EPHB2: variants seen among roughly 807,000 people sequenced by gnomAD.
The protein encoded by EPHB2 is EPH receptor B2, also known as ephrin type-B receptor 2.
A neutral mutation model predicts 96.4 loss-of-function variants in EPHB2; 18 were observed. The ratio of observed to expected loss-of-function variants is 0.19; its 90% CI spans 0.13 to 0.28. The LOEUF is 0.28. Among genes scored for constraint, EPHB2 ranks in the 10% least tolerant of loss-of-function variants. The pLI is 1.00. For missense variants in EPHB2, 989 were observed against 1,355.4 expected, an observed-to-expected ratio of 0.73 and a Z score of 4.25; for synonymous variants, 506 against 534.1, an observed-to-expected ratio of 0.95 and a Z score of 0.72.
At chr1:22,713,448 C>T (rs959483158) in intron 1 of EPHB2, among the ~76,000 whole-genome samples, 5 of 152,140 alleles carry the variant, frequency 3.3e-5, no homozygotes, top group South Asian at 2.1e-4. Flanking sequence ...TTTCCTCCCC[C>T]GTCTAGTGAG....
intron 3 of EPHB2, among the ~76,000 whole-genome samples, chr1:22,801,760 GCCCCTCGTGGGGTCCCCTCCCGC>G (rs1644846367): frequency 6.6e-6 from 1 of 152,214 alleles, no homozygotes; most frequent in African/African-American, 2.4e-5. Context: ...CAGATGGGCA[GCCCCTCGTGGGGTCCCCTCCCGC>G]CCCCTCGTGC....
chr1:22,893,907 G>C (rs1639470852), intron 7 of EPHB2, among the ~76,000 whole-genome samples: 1 of 152,220 alleles, frequency 6.6e-6, no homozygotes, highest in African/African-American at 2.4e-5. Context: ...ACTCCAGGGT[G>C]ACTCTGTCTG....
chr1:22,810,795 T>C (rs946283629), intron 3 of EPHB2, among the ~76,000 whole-genome samples: 1 of 152,132 alleles, frequency 6.6e-6, no homozygotes, highest in Non-Finnish European at 1.5e-5. Context: ...TCCCCTGAAA[T>C]GTCACCTGGT....
chr1:22,759,136 C>T (rs1003869953), intron 1 of EPHB2, among the ~76,000 whole-genome samples: 13 of 152,242 alleles, frequency 8.5e-5, no homozygotes, highest in South Asian at 2.1e-4. Flanking sequence ...TCCTTCCTCT[C>T]GGAACATTTT....
chr1:22,735,517 C>T lies in EPHB2; in HGVS notation c.61+24474C>T, dbSNP rs571788317. 2.0e-5 allele frequency among the ~76,000 whole-genome samples: 3 copies of T among 152,150 alleles called. No homozygotes were observed. The East Asian group carries it at 5.8e-4, about 29-fold the overall frequency. ...GGAAGTTTACAGTCCATACTTTCTG[C>T]CTTTGGAAAAGACTGCTGGCTTACC... On this transcript the variant is annotated intron_variant, in intron 1 of 15. Transcript: ENST00000374630.
Position 22,863,188 on chromosome 1 carries a change from C to T in EPHB2, c.963C>T (p.Cys321=). The T allele has an allele frequency of 6.2e-7, 1 of 1,614,188 alleles. No individual in the cohort carries two copies. Among genetic ancestry groups the T allele is most frequent in the Non-Finnish European group, 8.5e-7 (1 of 1,180,034 alleles). Reference sequence around the variant, plus strand: ...ACCTGGACCCCCTGGACATGCCCTGCACAAGTAAGTCCTAGGGCCCCTCAA... The same window carrying T: ...ACCTGGACCCCCTGGACATGCCCTGTACAAGTAAGTCCTAGGGCCCCTCAA... ...RADLDPLDMP[C]TTIPSAPQAV... Residue 321 remains cysteine (C), a synonymous_variant, in exon 4 of 16, where the codon TGC becomes TGT. Coordinates refer to ENST00000374630, the MANE Select transcript of EPHB2 (RefSeq NM_017449.5).
At chr1:22,712,837 G>C (rs937101228) in intron 1 of EPHB2, among the ~76,000 whole-genome samples, 2 of 152,222 alleles carry the variant, frequency 1.3e-5, no homozygotes, top group African/African-American at 4.8e-5. Flanking sequence ...TATACATTGG[G>C]ATGTTTACAG....
chr1:22,876,685 A>G (rs1638847718), intron 5 of EPHB2, among the ~76,000 whole-genome samples: 2 of 152,188 alleles, frequency 1.3e-5, no homozygotes, highest in South Asian at 2.1e-4. Flanking sequence ...GAATTCCCTG[A>G]TGACCAACTT....
chr1:22,829,166 C>A (rs1460768380), intron 3 of EPHB2, among the ~76,000 whole-genome samples: 1 of 152,238 alleles, frequency 6.6e-6, no homozygotes, highest in East Asian at 1.9e-4. Context: ...CTCCTCAGAG[C>A]GCTGGTGAAG....
intron 3 of EPHB2, among the ~76,000 whole-genome samples, chr1:22,807,533 C>CT (rs1183675270): frequency 6.6e-6 from 1 of 152,196 alleles, no homozygotes; most frequent in African/African-American, 2.4e-5. Context: ...AAAAGGTCAG[C>CT]TGGTCCAGCT....
chr1:22,801,339 C>G lies in EPHB2; in HGVS notation c.811+16263C>G, dbSNP rs12081762. Among the ~76,000 whole-genome samples, 476 of 152,272 alleles carry G rather than the reference C, an allele frequency of 3.1e-3. 3 individuals carry two copies. Among genetic ancestry groups the G allele is most frequent in the African/African-American group, 0.011 (446 of 41,558 alleles). ...AGGGACACCCATGAATGCCCCCCTT[C>G]CTGTGGGCCCTCTGCTCCAAGCATT... On this transcript the variant is annotated intron_variant, in intron 3 of 15. Coordinates refer to ENST00000374630, the MANE Select transcript of EPHB2 (RefSeq NM_017449.5).
chr1:22,820,388 CG>C (rs1303280597), intron 3 of EPHB2, among the ~76,000 whole-genome samples: 1 of 152,150 alleles, frequency 6.6e-6, no homozygotes, highest in East Asian at 2.0e-4. Flanking sequence ...TTGCTGAGCG[CG>C]GTGGCTCACG....
intron 5 of EPHB2, among the ~76,000 whole-genome samples, chr1:22,879,669 A>G (rs541893949): frequency 3.0e-4 from 45 of 152,292 alleles, no homozygotes; most frequent in African/African-American, 1.0e-3. Flanking sequence ...CAAAGTGCAG[A>G]TATTGACCCT....
intron 5 of EPHB2, among the ~76,000 whole-genome samples, chr1:22,880,586 C>T (rs1046255888): frequency 1.3e-5 from 2 of 152,258 alleles, no homozygotes; most frequent in Non-Finnish European, 2.9e-5. Context: ...CATTGAGAGT[C>T]CCTCTCTGGC....
chr1:22,913,970 A>G lies in EPHB2; in HGVS notation c.*400A>G, dbSNP rs79966863. The G allele has an allele frequency of 2.6e-3, 3,691 of 1,423,802 alleles. 80 individuals carry two copies. The African/African-American group carries it at 0.049, about 19-fold the overall frequency. The allele number at this position is 1,423,802 out of a possible 1,614,324, so 88.2% of individuals were successfully genotyped here. ...GGTGACCTGGCCAGAGCCAAGAAAC[A>G]CTTTCAGAAAAACAAATGTGAAGGG... On this transcript the variant is annotated 3_prime_UTR_variant, in exon 16 of 16. Transcript: ENST00000374630. This position sits in a 1 kb window ranked among gnomAD's most constrained non-coding sequence, Gnocchi z 4.1.
intron 1 of EPHB2, 137 bp downstream of exon 1, chr1:22,711,180 G>A (rs1366556281): frequency 6.8e-6 from 1 of 146,456 alleles, no homozygotes; most frequent in Non-Finnish European, 1.5e-5. Flanking sequence ...CCGCGGGGAG[G>A]TGTGTCCGGC....
chr1:22,765,587 C>T (rs568070288), intron 1 of EPHB2, among the ~76,000 whole-genome samples: 8 of 150,862 alleles, frequency 5.3e-5, no homozygotes, highest in East Asian at 2.0e-4. Context: ...CCGTGAGCAC[C>T]GGCATTCTCC....
chr1:22,821,548 T>G (rs2148474787), intron 3 of EPHB2, among the ~76,000 whole-genome samples: 1 of 152,368 alleles, frequency 6.6e-6, no homozygotes, highest in Middle Eastern at 3.4e-3. Flanking sequence ...AGAATCATGT[T>G]CGGAAGCCTG....
rs1413919588 is a variant in EPHB2 at position 22,875,578 on chromosome 1, ATCTG to A, written c.1304-6776_1304-6773del. ...CCTGAGGGCGCCAGAAAAGGGGAGAATCTGTCTGGTCCCCGCTTTTCCCTTTCTC... is the reference window on the plus strand; with the variant it reads ...CCTGAGGGCGCCAGAAAAGGGGAGAATCTGGTCCCCGCTTTTCCCTTTCTC... On this transcript the variant is annotated intron_variant, in intron 5 of 15. Transcript: ENST00000374630. This position sits in a 1 kb window ranked among gnomAD's most constrained non-coding sequence, Gnocchi z 4.2. Among the ~76,000 whole-genome samples the A allele has an allele frequency of 6.6e-6, 1 of 152,018 alleles. No individual in the cohort carries two copies. The highest frequency in any genetic ancestry group is 2.4e-5 in the African/African-American group (1 of 41,384).
Sources: gnomAD v4.1 joint callset for allele counts (sites outside exome capture counted in the v4.1 genomes callset) on GRCh38, gnomAD v4.1.1 for gene constraint, Gnocchi (gnomAD v3.1) non-coding constraint, MANE v1.5 for transcripts, NCBI Gene and HGNC (gene_info 2026-07-23, HGNC 2026-07-21) for gene names.